The following SERPINA9 variants were observed in gnomAD, a reference collection of about 807,000 sequenced individuals.
The protein encoded by SERPINA9 is serpin A9.
A neutral mutation model predicts 24.5 loss-of-function variants in SERPINA9; 32 were observed. The ratio of observed to expected loss-of-function variants is 1.30; its 90% CI spans 0.98 to 1.75. The LOEUF (loss-of-function observed/expected upper bound fraction) is 1.75. SERPINA9 is among the 40% of genes most tolerant of loss of function. The pLI, the probability that SERPINA9 is intolerant of heterozygous loss-of-function variation, is 0.00. For missense variants in SERPINA9, 594 were observed against 497.1 expected (o/e 1.19, Z -1.85); for synonymous variants, 233 against 197.7 (o/e 1.18, Z -1.50).
chr14:94,470,574 A>C (rs1308693926), intron 1 of SERPINA9, among the ~76,000 whole-genome samples: 1 of 152,204 alleles, frequency 6.6e-6, no homozygotes, highest in Non-Finnish European at 1.5e-5. Flanking sequence ...CTGGGCTTGA[A>C]TCTAACCCTG....
rs58640197 is a variant in SERPINA9 at position 94,467,912 on chromosome 14, CATGGATGG to C, written c.629-538_629-531del. Reference sequence around the variant, plus strand: ...GGCTAGCTAGGTGGATGAATGGATGCATGGATGGATGGATGGATGGATGGATGGATGGA... The same window carrying C: ...GGCTAGCTAGGTGGATGAATGGATGCATGGATGGATGGATGGATGGATGGA... On this transcript the variant is annotated intron_variant, in intron 2 of 4. Transcript: ENST00000674397. Among the ~76,000 whole-genome samples the C allele has an allele frequency of 6.1e-4, 90 of 148,388 alleles. 2 individuals are homozygous for C. Among genetic ancestry groups the C allele is most frequent in the Admixed American group, 1.6e-3 (24 of 14,934 alleles).
intron 3 of SERPINA9, among the ~76,000 whole-genome samples, chr14:94,466,257 CTG>C (rs1595664832): frequency 6.6e-6 from 1 of 152,242 alleles, no homozygotes; most frequent in East Asian, 1.9e-4. Context: ...TGCCAAGCCT[CTG>C]TGTGCTCATA....
Position 94,469,232 on chromosome 14 carries a change from C to A in SERPINA9, c.609G>T (p.Val203=). ...GLDLLTAMVL[V]NHIFFKAKWE... is the part of the protein sequence containing the mutation. ...CCTTACCTTTAAAGAAAATGTGGTT[C>A]ACCAGAACCATGGCCGTCAGAAGGT... Residue 203 remains valine, a synonymous_variant, in exon 2 of 5, where the codon GTG becomes GTT. Coordinates refer to ENST00000674397, the MANE Select transcript of SERPINA9 (RefSeq NM_175739.4). 6.2e-7 allele frequency: 1 copy of A among 1,613,112 alleles called. No individual in the cohort carries two copies. The highest frequency in any genetic ancestry group is 8.5e-7 in the Non-Finnish European group (1 of 1,179,426).
rs772853992 is a variant in SERPINA9 at position 94,469,284 on chromosome 14, T to C, written c.557A>G (p.Lys186Arg). The change falls in exon 2 of 5, where the codon AAG (lysine) becomes AGG (arginine). Residue 186 changes from lysine (K) to arginine (R), a missense_variant. Coordinates refer to ENST00000674397, the MANE Select transcript of SERPINA9 (RefSeq NM_175739.4). ...NSHVKKKTQG[K>R]VVDIIQGLDL... ...AAGGCCTTGGATTATGTCTACAACCTTCCCTTGGGTCTTCTTTTTCACATG... is the reference window on the plus strand; with the variant it reads ...AAGGCCTTGGATTATGTCTACAACCCTCCCTTGGGTCTTCTTTTTCACATG... The C allele has an allele frequency of 6.2e-7, 1 of 1,614,222 alleles. No homozygotes were observed. The highest frequency in any genetic ancestry group is 8.5e-7 in the Non-Finnish European group (1 of 1,180,018).
At position 94,465,301 on chromosome 14, in the gene SERPINA9, C is replaced by T. The variant is rs540066067; in HGVS notation, c.903-447G>A. 3.3e-5 allele frequency among the ~76,000 whole-genome samples: 5 copies of T among 152,328 alleles called. No individual in the cohort carries two copies. The South Asian group carries it at 1.0e-3, about 32-fold the overall frequency. ...GGGAAGATCCTAGACCTGCACTCTCCAGTACGGTAGCCATTAGCCATGTGT... is the reference window on the plus strand; with the variant it reads ...GGGAAGATCCTAGACCTGCACTCTCTAGTACGGTAGCCATTAGCCATGTGT... On this transcript the variant is annotated intron_variant, in intron 3 of 4. Transcript: ENST00000674397.
At chr14:94,474,531 G>C (rs1055323479) in intron 1 of SERPINA9, among the ~76,000 whole-genome samples, 6 of 152,146 alleles carry the variant, frequency 3.9e-5, no homozygotes, top group African/African-American at 1.4e-4. Flanking sequence ...CTCTCTTGGG[G>C]GAAAACCGTG....
chr14:94,464,320 C>A, intron 4 of SERPINA9: 58 of 209,328 alleles, frequency 2.8e-4, no homozygotes, highest in East Asian at 8.3e-4. Flanking sequence ...TCTCTCTCTC[C>A]TTACACACTG....
intron 1 of SERPINA9, 24 bp from the exon 2 acceptor site, chr14:94,469,881 G>T: frequency 6.7e-7 from 1 of 1,501,470 alleles, no homozygotes; most frequent in East Asian, 2.3e-5. Flanking sequence ...AAGAACCATT[G>T]AGGGGGTAAA....
intron 1 of SERPINA9, chr14:94,470,160 G>A: frequency 9.0e-7 from 1 of 1,107,898 alleles, no homozygotes; most frequent in Admixed American, 4.7e-5. Flanking sequence ...CAAATCCCAT[G>A]CTTTTTGATG....
chr14:94,469,168 T>C (rs1209476611), intron 2 of SERPINA9, 45 bp downstream of exon 2: 5 of 1,543,840 alleles, frequency 3.2e-6, no homozygotes, highest in East Asian at 2.3e-5. Context: ...ATCATCATCA[T>C]CATCATAAAA....
In SERPINA9 at chr14:94,464,775, G is replaced by A. The variant is rs767884108; in HGVS notation, c.982C>T (p.Gln328Ter). 6.2e-7 allele frequency: 1 copy of A among 1,612,854 alleles called. No homozygotes were observed. Among genetic ancestry groups the A allele is most frequent in the South Asian group, 1.1e-5 (1 of 91,050 alleles). Residue 328 changes from glutamine (Q) to a stop codon, truncating the protein, a stop_gained, in exon 4 of 5, where the codon CAA becomes TAA. Transcript: ENST00000674397. LOFTEE classifies it high-confidence loss of function. ...LETILPKMGI[Q>*]NVFDKNADFS... ...TCAGCATTTTTGTCAAAGACATTTT[G>A]GATGCCCATCTTCGGGAGGATGGTT...
At chr14:94,466,068 T>C (rs957219224) in intron 3 of SERPINA9, among the ~76,000 whole-genome samples, 2 of 152,158 alleles carry the variant, frequency 1.3e-5, no homozygotes, top group African/African-American at 4.8e-5. Context: ...TTCTCTGTGC[T>C]CCATCTGCTG....
rs755752926 is a variant in SERPINA9, at chr14:94,469,612, T to A, written c.229A>T (p.Thr77Ser). 3.1e-6 allele frequency: 5 copies of A among 1,613,866 alleles called. No homozygotes were observed. The East Asian group carries it at 8.9e-5, about 29-fold the overall frequency. Residue 77 changes from threonine to serine, a missense_variant, in exon 2 of 5, where the codon ACT (threonine) becomes TCT (serine). By Grantham distance (58) the Thr-to-Ser change is moderately conservative (BLOSUM62 1). Transcript: ENST00000674397. ...NIFFSPVSVS[T>S]SLAMLSLGAH... ...CCAAGGGAGAGCATGGCCAGGGAAGTGGAGACACTCACAGGGGAGAAGAAG... is the reference window on the plus strand; with the variant it reads ...CCAAGGGAGAGCATGGCCAGGGAAGAGGAGACACTCACAGGGGAGAAGAAG...
At position 94,469,613 on chromosome 14, in the gene SERPINA9, G is replaced by A. The variant is rs1166010047; in HGVS notation, c.228C>T (p.Ser76=). The change falls in exon 2 of 5, where the codon TCC becomes TCT. Residue 76 remains serine (S), a synonymous_variant. Coordinates refer to ENST00000674397, the MANE Select transcript of SERPINA9 (RefSeq NM_175739.4). ...QNIFFSPVSV[S]TSLAMLSLGA... ...CAAGGGAGAGCATGGCCAGGGAAGT[G>A]GAGACACTCACAGGGGAGAAGAAGA... 1 of 1,614,024 alleles carries A rather than the reference G, an allele frequency of 6.2e-7. No homozygotes were observed. Among genetic ancestry groups the A allele is most frequent in the African/African-American group, 1.3e-5 (1 of 74,894 alleles).
In SERPINA9 at chr14:94,469,832, A is replaced by G; in HGVS notation, c.9T>C (p.Ser3=). 2.6e-6 allele frequency: 4 copies of G among 1,511,104 alleles called. No homozygotes were observed. Among genetic ancestry groups the G allele is most frequent in the Non-Finnish European group, 3.5e-6 (4 of 1,130,408 alleles). The allele number at this position is 1,511,104 out of a possible 1,614,324, so 93.6% of individuals were successfully genotyped here. A position where few individuals can be genotyped will look rare whatever the true frequency, so the allele number is the denominator to read the frequency against. MA[S]YLYGVLFAVG... ...CAGCAAAGAGTACTCCATAAAGGTA[A>G]GATGCCATTTTGGAACAAAATATGT... Residue 3 remains serine (S), a synonymous_variant, in exon 2 of 5, where the codon TCT becomes TCC. Coordinates refer to ENST00000674397, the MANE Select transcript of SERPINA9 (RefSeq NM_175739.4).
chr14:94,474,305 C>T (rs964596751), intron 1 of SERPINA9, among the ~76,000 whole-genome samples: 5 of 152,206 alleles, frequency 3.3e-5, no homozygotes, highest in Admixed American at 6.5e-5. Flanking sequence ...GCGGCCTCCA[C>T]GCCCCAAGTC....
intron 1 of SERPINA9, among the ~76,000 whole-genome samples, chr14:94,473,378 G>T (rs1334287820): frequency 2.0e-5 from 3 of 152,102 alleles, no homozygotes; most frequent in Non-Finnish European, 2.9e-5. Flanking sequence ...AGTTAGCCAG[G>T]CTTGGTGGCG....
chr14:94,475,396 A>T (rs1438667872), intron 1 of SERPINA9, among the ~76,000 whole-genome samples: 2 of 151,504 alleles, frequency 1.3e-5, no homozygotes, highest in South Asian at 2.1e-4. Flanking sequence ...CATGTGTGCT[A>T]CATATGCATG....
chr14:94,470,159 T>C (rs1375077990), intron 1 of SERPINA9: 4 of 1,108,620 alleles, frequency 3.6e-6, no homozygotes, highest in Non-Finnish European at 4.4e-6. Context: ...CCAAATCCCA[T>C]GCTTTTTGAT....
Sources: allele counts gnomAD v4.1 joint callset (sites outside exome capture counted in the v4.1 genomes callset), GRCh38; gene constraint gnomAD v4.1.1; transcripts MANE v1.5; gene names NCBI Gene and HGNC (gene_info 2026-07-23, HGNC 2026-07-21).